EIF4ENIF1: variants seen among roughly 807,000 people sequenced by gnomAD.
The protein encoded by EIF4ENIF1 is eukaryotic translation initiation factor 4E transporter.
In EIF4ENIF1, 23 loss-of-function variants were observed where a neutral mutation model predicts 110.5. The ratio of observed to expected loss-of-function variants is 0.21; its 90% CI spans 0.15 to 0.29. The LOEUF is 0.29. Among genes scored for constraint, EIF4ENIF1 ranks in the 10% least tolerant of loss-of-function variants. The pLI is 1.00. For synonymous variants in EIF4ENIF1, 440 were observed against 437.0 expected (o/e 1.01, Z -0.09); for missense variants, 1,031 against 1,221.1 (o/e 0.84, Z 2.32).
chr22:31,490,381 C>T (rs938454814), upstream of EIF4ENIF1, among the ~76,000 whole-genome samples: 6 of 152,208 alleles, frequency 3.9e-5, no homozygotes, highest in African/African-American at 1.2e-4. Flanking sequence ...AGCTGTTTTG[C>T]GAGTGGCGTG....
chr22:31,440,039 G>C lies in EIF4ENIF1; in HGVS notation c.2799C>G (p.Gly933=). 6 of 1,614,106 alleles carry C rather than the reference G, an allele frequency of 3.7e-6. No individual in the cohort carries two copies. The highest frequency in any genetic ancestry group is 5.1e-6 in the Non-Finnish European group (6 of 1,179,978). Residue 933 remains glycine (G), a synonymous_variant, in exon 19 of 19, where the codon GGC becomes GGG. Coordinates refer to ENST00000330125, the MANE Select transcript of EIF4ENIF1 (RefSeq NM_019843.4). The part of the protein sequence containing the change: ...TTPQNVPSRS[G]LPHMHSQLEH... ...CCAGCTGGGAGTGCATGTGGGGCAG[G>C]CCTGACCGGCTGGGCACGTTCTGAG...
chr22:31,458,726 T>C (rs2050903202), intron 6 of EIF4ENIF1, 76 bp from the exon 7 acceptor site: 1 of 1,365,242 alleles, frequency 7.3e-7, no homozygotes, highest in African/African-American at 1.4e-5. Flanking sequence ...CAGCCATCAG[T>C]ATACATGTAG....
chr22:31,444,736 T>C, intron 14 of EIF4ENIF1, 46 bp from the exon 15 acceptor site: 1 of 1,580,306 alleles, frequency 6.3e-7, no homozygotes, highest in Non-Finnish European at 8.7e-7. Flanking sequence ...CTGCTTAACT[T>C]CAAGTCTTAA....
chr22:31,458,385 G>GC, intron 7 of EIF4ENIF1, 90 bp downstream of exon 7: 1 of 1,177,556 alleles, frequency 8.5e-7, no homozygotes, highest in Non-Finnish European at 1.1e-6. Context: ...AACCCCAAAA[G>GC]CATCTAGCAA....
chr22:31,483,207 ATCT>A (rs1195801520), intron 2 of EIF4ENIF1, among the ~76,000 whole-genome samples: 2 of 106,650 alleles, frequency 1.9e-5, no homozygotes, highest in Non-Finnish European at 4.0e-5. Flanking sequence ...CCAGGAGACG[ATCT>A]TTTTTTTTTT....
chr22:31,437,367 A>G (rs2050185450), downstream of EIF4ENIF1: 1 of 151,852 alleles, frequency 6.6e-6, no homozygotes, highest in Non-Finnish European at 1.5e-5. Flanking sequence ...AAGTTTCTCC[A>G]AAGACATCCC....
upstream of EIF4ENIF1, among the ~76,000 whole-genome samples, chr22:31,492,876 C>T (rs189532336): frequency 5.8e-3 from 879 of 152,124 alleles, 6 homozygotes; most frequent in African/African-American, 0.017. Flanking sequence ...GGATTACAGG[C>T]GCATGCCACC....
chr22:31,473,488 T>G lies in EIF4ENIF1; in HGVS notation c.97-1571A>C, dbSNP rs553488348. 8.5e-5 allele frequency among the ~76,000 whole-genome samples: 13 copies of G among 152,352 alleles called. No homozygotes were observed. The East Asian group carries it at 2.3e-3, about 27-fold the overall frequency. On this transcript the variant is annotated intron_variant, in intron 2 of 18. Coordinates refer to ENST00000330125, the MANE Select transcript of EIF4ENIF1 (RefSeq NM_019843.4). ...AGGATCCAGTCTAGAATCAGATATT[T>G]GATTGTTGTATCTCTTTGGTCTCCC...
chr22:31,476,464 G>C (rs762121443), intron 2 of EIF4ENIF1, among the ~76,000 whole-genome samples: 1 of 151,958 alleles, frequency 6.6e-6, no homozygotes, highest in Non-Finnish European at 1.5e-5. Flanking sequence ...TCCTATTGAC[G>C]AGGAATCAAA....
At chr22:31,463,471 G>C (rs1438306756) in intron 5 of EIF4ENIF1, among the ~76,000 whole-genome samples, 3 of 151,924 alleles carry the variant, frequency 2.0e-5, no homozygotes, top group Non-Finnish European at 4.4e-5. Context: ...CTAAGGTTGG[G>C]AGCTTGAGAG....
At chr22:31,450,549 G>A (rs2050614104) in intron 10 of EIF4ENIF1, 189 bp from the exon 11 acceptor site, 1 of 477,424 alleles carries the variant, frequency 2.1e-6, no homozygotes, top group Admixed American at 3.4e-5. Context: ...GGGATGGAAA[G>A]ACCGTTCACA....
rs754839670 is a variant in EIF4ENIF1 at position 31,463,961 on chromosome 22, C to T, written c.305G>A (p.Arg102Gln). 20 of 1,611,328 alleles carry T rather than the reference C, an allele frequency of 1.2e-5. No homozygotes were observed. The highest frequency in any genetic ancestry group is 1.5e-5 in the Non-Finnish European group (18 of 1,179,162). The change falls in exon 5 of 19, where the codon CGA becomes CAA. Residue 102 changes from arginine to glutamine, a missense_variant. Arg to Gln is a conservative substitution (Grantham distance 43, BLOSUM62 1). Around this residue, in one of 3 missense-constraint regions of EIF4ENIF1, gnomAD observed 704 missense variants for 879.7 expected, o/e 0.80. Transcript: ENST00000330125. ...PSLVRRIVDP[R>Q]ERVKEDDLDV... is the part of the protein sequence containing the mutation. ...TAAGTCATCTTCTTTCACACGCTCT[C>T]GTGGATCTGGAAGGACGTGGGAAAG...
At chr22:31,465,256 G>A (rs2051145217) in intron 4 of EIF4ENIF1, among the ~76,000 whole-genome samples, 1 of 151,008 alleles carries the variant, frequency 6.6e-6, no homozygotes, top group Non-Finnish European at 1.5e-5. Flanking sequence ...CTGGGAAGTG[G>A]AGGTTGCAGT....
chr22:31,450,614 C>T (rs1601575913), intron 10 of EIF4ENIF1: 39 of 355,426 alleles, frequency 1.1e-4, no homozygotes, highest in South Asian at 1.0e-3. Flanking sequence ...AAGTCCATTT[C>T]CCTGTTTCTA....
rs188470065 is a variant in EIF4ENIF1, at chr22:31,467,140, G to C, written c.298+1035C>G. On this transcript the variant is annotated intron_variant, in intron 4 of 18. Transcript: ENST00000330125. ...GAAGTTTACGCGACCCATTTCTACT[G>C]TTGGATATTTAGGTTCCTTCTCAGT... Among the ~76,000 whole-genome samples, 590 of 152,248 alleles carry C rather than the reference G, an allele frequency of 3.9e-3. 6 individuals carry two copies. Among genetic ancestry groups the C allele is most frequent in the Non-Finnish European group, 6.5e-3 (445 of 68,020 alleles).
intron 2 of EIF4ENIF1, among the ~76,000 whole-genome samples, chr22:31,472,270 A>ATTTT (rs11404399): frequency 1.1e-4 from 15 of 142,166 alleles, no homozygotes; most frequent in African/African-American, 2.6e-4. Context: ...TTACAAGGGG[A>ATTTT]TTTTTTTTTT....
At chr22:31,477,379 AAAAAC>A (rs1569101867) in intron 2 of EIF4ENIF1, among the ~76,000 whole-genome samples, 25,329 of 124,644 alleles carry the variant, frequency 0.2, 3,069 homozygotes, top group Non-Finnish European at 0.28. Context: ...AAAAAACAAA[AAAAAC>A]AAAAAAAGAG....
chr22:31,453,823 G>A (rs1191399368), intron 10 of EIF4ENIF1, among the ~76,000 whole-genome samples: 1 of 152,160 alleles, frequency 6.6e-6, no homozygotes, highest in East Asian at 1.9e-4. Flanking sequence ...CAAGAAAATT[G>A]TCTCTGGAGT....
In EIF4ENIF1 at chr22:31,439,801, T is replaced by C; in HGVS notation, c.*79A>G. 6.4e-7 allele frequency: 1 copy of C among 1,564,242 alleles called. No homozygotes were observed. Among genetic ancestry groups the C allele is most frequent in the Non-Finnish European group, 8.6e-7 (1 of 1,163,848 alleles). ...CAGAGTGCTCCAAAGTAAAAGCCCA[T>C]AAACCAACCCGAGATGAAGCAGGGT... On this transcript the variant is annotated 3_prime_UTR_variant, in exon 19 of 19. Transcript: ENST00000330125.
Sources: allele counts gnomAD v4.1 joint callset (sites outside exome capture counted in the v4.1 genomes callset), GRCh38; gene constraint gnomAD v4.1.1; regional missense constraint gnomAD v4.1.1; transcripts MANE v1.5; gene names NCBI Gene and HGNC (gene_info 2026-07-23, HGNC 2026-07-21).